The following CASK variants were observed in gnomAD, a reference collection of about 807,000 sequenced individuals.
CASK encodes the protein calcium/calmodulin dependent serine protein kinase, also known as peripheral plasma membrane protein CASK.
In CASK, 4 loss-of-function variants were observed where a neutral mutation model predicts 82.9. The ratio of observed to expected loss-of-function variants is 0.05; its 90% CI spans 0.02 to 0.11. The LOEUF (loss-of-function observed/expected upper bound fraction) is 0.11, where lower values mean the gene tolerates loss of function less well. Among genes scored for constraint, CASK ranks in the 10% least tolerant of loss-of-function variants. CASK has a pLI of 1.00. For synonymous variants in CASK, 259 were observed against 253.5 expected, an observed-to-expected ratio of 1.02 and a Z score of -0.20; for missense variants, 358 against 720.9, an observed-to-expected ratio of 0.50 and a Z score of 5.76.
At chrX:41,588,243 C>G (rs2065687400) in intron 13 of CASK, 1 of 111,821 alleles carries the variant, frequency 8.9e-6, no homozygotes, top group South Asian at 3.7e-4. Flanking sequence ...CCGAGTTTCT[C>G]TATTAGTGAA....
chrX:41,784,666 AG>A (rs1408103109), intron 3 of CASK, among the ~76,000 whole-genome samples: 29 of 111,554 alleles, frequency 2.6e-4, no homozygotes, highest in Non-Finnish European at 5.3e-4. Context: ...TCACAAGGTC[AG>A]GAGTTCGAGA....
At chrX:41,648,979 T>A (rs2066814043) in intron 8 of CASK, among the ~76,000 whole-genome samples, 2 of 111,660 alleles carry the variant, frequency 1.8e-5, no homozygotes, top group Admixed American at 1.9e-4. Context: ...TGGTTTAGTC[T>A]TGGGAGGGTG....
intron 11 of CASK, among the ~76,000 whole-genome samples, chrX:41,614,010 T>G (rs2066152178): frequency 8.9e-6 from 1 of 112,437 alleles, no homozygotes; most frequent in South Asian, 3.6e-4. Context: ...TAATTGTAGA[T>G]TCACATGCAG....
intron 5 of CASK, among the ~76,000 whole-genome samples, chrX:41,708,316 A>G (rs1196636518): frequency 9.0e-6 from 1 of 111,386 alleles, no homozygotes; most frequent in African/African-American, 3.3e-5. Flanking sequence ...GTGTTATTTG[A>G]CTTTTAAAAC....
intron 10 of CASK, among the ~76,000 whole-genome samples, chrX:41,625,038 AAC>A (rs937489063): frequency 1.8e-5 from 2 of 110,760 alleles, no homozygotes; most frequent in Non-Finnish European, 3.8e-5. Flanking sequence ...AAAAATTTAG[AAC>A]ACACACACAC....
intron 2 of CASK, among the ~76,000 whole-genome samples, chrX:41,845,634 CAT>C (rs1256497803): frequency 9.0e-6 from 1 of 111,544 alleles, no homozygotes; most frequent in Non-Finnish European, 1.9e-5. Flanking sequence ...CAAAAAACGA[CAT>C]GAGATACCAT....
intron 1 of CASK, among the ~76,000 whole-genome samples, chrX:41,856,808 A>AC (rs1172971501): frequency 9.2e-6 from 1 of 108,331 alleles, no homozygotes; most frequent in Middle Eastern, 4.3e-3. Context: ...AAAAAAAAAA[A>AC]AAAAACCAAA....
chrX:41,569,569 C>T (rs2065375642), intron 16 of CASK, 99 bp downstream of exon 16: 1 of 611,873 alleles, frequency 1.6e-6, no homozygotes, highest in South Asian at 2.5e-5. Flanking sequence ...TAGTGAGAGA[C>T]CCCATCTCAA....
chrX:41,622,386 CTG>C (rs1432275570), intron 11 of CASK, among the ~76,000 whole-genome samples: 1 of 112,432 alleles, frequency 8.9e-6, no homozygotes, highest in Non-Finnish European at 1.9e-5. Context: ...AATTTTAACA[CTG>C]TCTTTTTTCC....
chrX:41,531,584 A>T, intron 24 of CASK, among the ~76,000 whole-genome samples: 1 of 112,496 alleles, frequency 8.9e-6, no homozygotes, highest in Non-Finnish European at 1.9e-5. Context: ...GAATAAAAAA[A>T]TGGAAAACTG....
chrX:41,555,529 G>A (rs2065149324), intron 20 of CASK, 71 bp downstream of exon 20: 1 of 805,671 alleles, frequency 1.2e-6, no homozygotes, highest in African/African-American at 2.0e-5. Context: ...TTATGGGATG[G>A]AAAGGGTTAA....
chrX:41,696,801 T>C, intron 5 of CASK: 3 of 987,312 alleles, frequency 3.0e-6, no homozygotes, highest in Non-Finnish European at 4.1e-6. Flanking sequence ...TAAAATGAAT[T>C]ATATAATGCA....
chrX:41,795,095 GT>G (rs1235630197), intron 2 of CASK, among the ~76,000 whole-genome samples: 2 of 110,635 alleles, frequency 1.8e-5, no homozygotes, highest in Admixed American at 1.9e-4. Context: ...ATTATCTGAG[GT>G]TTTTTTTTCT....
At chrX:41,749,614 T>C (rs2068755286) in intron 3 of CASK, among the ~76,000 whole-genome samples, 1 of 108,344 alleles carries the variant, frequency 9.2e-6, no homozygotes. Flanking sequence ...CTCGAACTCC[T>C]GACCTCAAGT....
At chrX:41,857,765 A>G (rs2071399062) in intron 1 of CASK, among the ~76,000 whole-genome samples, 2 of 112,316 alleles carry the variant, frequency 1.8e-5, no homozygotes, top group Admixed American at 9.4e-5. Context: ...AGTACTCAGC[A>G]AAATAAATGA....
At chrX:41,795,189 C>T (rs900902860) in intron 2 of CASK, among the ~76,000 whole-genome samples, 2 of 111,762 alleles carry the variant, frequency 1.8e-5, no homozygotes, top group Non-Finnish European at 3.8e-5. Context: ...ACAAATTTAT[C>T]GTAAAGAAAT....
At chrX:41,637,378 CTTTTTTTTTTTTTTTTTTT>C (rs758261036) in intron 8 of CASK, among the ~76,000 whole-genome samples, 5 of 36,877 alleles carry the variant, frequency 1.4e-4, no homozygotes, top group South Asian at 1.9e-3. Flanking sequence ...TTAGGACACG[CTTTTTTTTTTTTTTTTTTT>C]TTTTTTTTTT....
At chrX:41,830,817 CAAAAA>C (rs780864898) in intron 2 of CASK, among the ~76,000 whole-genome samples, 1 of 36,963 alleles carries the variant, frequency 2.7e-5, no homozygotes, top group Non-Finnish European at 4.7e-5. Flanking sequence ...GAGACTCTGC[CAAAAA>C]AAAAAAAAAA....
chrX:41,573,082 T>C (rs890093601), intron 15 of CASK, among the ~76,000 whole-genome samples: 3 of 104,401 alleles, frequency 2.9e-5, no homozygotes, highest in African/African-American at 1.0e-4. Context: ...TTTCTTTTTT[T>C]TTTTTTTTTT....
Sources: gnomAD v4.1 joint callset for allele counts (sites outside exome capture counted in the v4.1 genomes callset) on GRCh38, gnomAD v4.1.1 for gene constraint, MANE v1.5 for transcripts, NCBI Gene and HGNC (gene_info 2026-07-23, HGNC 2026-07-21) for gene names.